ARHGEF37: variants seen among roughly 807,000 people sequenced by gnomAD.
The protein encoded by ARHGEF37 is Rho guanine nucleotide exchange factor (GEF) 37.
In ARHGEF37, 55 loss-of-function variants were observed where a neutral mutation model predicts 71.1. That is an observed-to-expected ratio of 0.77 (90% CI 0.62 to 0.97). The LOEUF (loss-of-function observed/expected upper bound fraction) is 0.97. ARHGEF37 is among the 50% of genes least tolerant of loss of function. ARHGEF37 has a pLI of 0.00. For synonymous variants in ARHGEF37, 327 were observed against 350.6 expected (o/e 0.93, Z 0.75); for missense variants, 765 against 836.8 (o/e 0.91, Z 1.06).
At chr5:149,631,152 C>CTTCCTTCCTTCCTTCT in intron 12 of ARHGEF37, among the ~76,000 whole-genome samples, 1 of 139,898 alleles carries the variant, frequency 7.1e-6, no homozygotes, top group African/African-American at 2.7e-5. Flanking sequence ...TCCTTCTTTC[C>CTTCCTTCCTTCCTTCT]TTCCTTCCTT....
At chr5:149,603,145 C>A (rs910750867) in intron 3 of ARHGEF37, among the ~76,000 whole-genome samples, 2 of 151,990 alleles carry the variant, frequency 1.3e-5, no homozygotes, top group Non-Finnish European at 2.9e-5. Flanking sequence ...GTTGGCCAGG[C>A]TGGTCTCGAG....
At chr5:149,591,459 C>G (rs1466102807) in intron 1 of ARHGEF37, among the ~76,000 whole-genome samples, 2 of 152,186 alleles carry the variant, frequency 1.3e-5, no homozygotes, top group Non-Finnish European at 2.9e-5. Flanking sequence ...TCATAGCTCA[C>G]TGCAGCCTTG....
chr5:149,569,832 G>C (rs1341185668), intron 1 of ARHGEF37, among the ~76,000 whole-genome samples: 1 of 151,956 alleles, frequency 6.6e-6, no homozygotes, highest in Non-Finnish European at 1.5e-5. Context: ...TGTTTGCCAG[G>C]CTGGTCTCCA....
chr5:149,594,818 T>TA (rs1224152709), intron 1 of ARHGEF37, among the ~76,000 whole-genome samples: 4 of 152,232 alleles, frequency 2.6e-5, no homozygotes, highest in African/African-American at 9.6e-5. Context: ...TAGCTTTGTT[T>TA]AATTTTAACA....
intron 1 of ARHGEF37, among the ~76,000 whole-genome samples, chr5:149,583,789 G>T (rs1763166634): frequency 1.3e-5 from 2 of 152,128 alleles, no homozygotes; most frequent in Admixed American, 6.6e-5. Context: ...TAGAGACAGG[G>T]TCTCCTCTGT....
rs192220137 is a variant in ARHGEF37 at position 149,613,450 on chromosome 5, G to C, written c.459-3117G>C. Among the ~76,000 whole-genome samples, 15 of 151,694 alleles carry C rather than the reference G, an allele frequency of 9.9e-5. No homozygotes were observed. In the East Asian group the frequency reaches 2.7e-3, roughly 28 times the overall value. On this transcript the variant is annotated intron_variant, in intron 4 of 12. Coordinates refer to ENST00000333677, the MANE Select transcript of ARHGEF37 (RefSeq NM_001001669.3). ...CAACCTCTGCCTCCGGGGTTCAAGC[G>C]ATTCTCCTTCCTCAGCCTCCCGAGT...
chr5:149,586,790 T>C (rs1763255033), intron 1 of ARHGEF37, among the ~76,000 whole-genome samples: 1 of 152,224 alleles, frequency 6.6e-6, no homozygotes, highest in Non-Finnish European at 1.5e-5. Flanking sequence ...TCCTTATTAC[T>C]GTCCTGTCTC....
chr5:149,555,784 G>A (rs889154380), intron 1 of ARHGEF37, among the ~76,000 whole-genome samples: 1 of 152,084 alleles, frequency 6.6e-6, no homozygotes, highest in African/African-American at 2.4e-5. Context: ...CATGTCCCAG[G>A]GATTACTTCT....
Position 149,633,988 on chromosome 5 carries a change from T to C in ARHGEF37, c.*1797T>C, listed in dbSNP as rs1170478321. ...GAGCATAGGGGAACAGATAATGAAA[T>C]AGGAAACCCACTCGTGGGTTCCACA... On this transcript the variant is annotated 3_prime_UTR_variant, in exon 13 of 13. Coordinates refer to ENST00000333677, the MANE Select transcript of ARHGEF37 (RefSeq NM_001001669.3). The C allele has an allele frequency of 6.6e-6, 1 of 152,272 alleles. No individual in the cohort carries two copies. Among genetic ancestry groups the C allele is most frequent in the Non-Finnish European group, 1.5e-5 (1 of 68,006 alleles). The allele number at this position is 152,272 out of a possible 1,614,324, so 9.4% of individuals were successfully genotyped here. A position where few individuals can be genotyped will look rare whatever the true frequency, so the allele number is the denominator to read the frequency against.
rs111536823 is a variant in ARHGEF37, at chr5:149,613,141, T to A, written c.459-3426T>A. Among the ~76,000 whole-genome samples the A allele has an allele frequency of 2.0e-3, 306 of 152,324 alleles. 2 individuals are homozygous for A. The highest frequency in any genetic ancestry group is 6.8e-3 in the Middle Eastern group (2 of 294). Reference sequence around the variant, plus strand: ...GGAGAAGGCAGATAACCTTCTTTGTTTTCCTTTATCAGCTAGGTGTGTTTG... The same window carrying A: ...GGAGAAGGCAGATAACCTTCTTTGTATTCCTTTATCAGCTAGGTGTGTTTG... On this transcript the variant is annotated intron_variant, in intron 4 of 12. Transcript: ENST00000333677.
chr5:149,578,487 A>G (rs2113256419), upstream of ARHGEF37, among the ~76,000 whole-genome samples: 2 of 152,236 alleles, frequency 1.3e-5, no homozygotes, highest in East Asian at 3.9e-4. Flanking sequence ...TTTGCCTCCT[A>G]CAATGTCTTC....
intron 1 of ARHGEF37, among the ~76,000 whole-genome samples, chr5:149,594,535 G>A (rs1446358855): frequency 2.6e-5 from 4 of 152,088 alleles, no homozygotes; most frequent in Non-Finnish European, 5.9e-5. Flanking sequence ...CAATGGCTTC[G>A]GCCTAAGACA....
chr5:149,552,218 CAAAAAAAAAAAAAAA>C (rs58298279), intron 1 of ARHGEF37: 7 of 72,760 alleles, frequency 9.6e-5, no homozygotes, highest in African/African-American at 1.8e-4. Flanking sequence ...TCAACCCCAC[CAAAAAAAAAAAAAAA>C]AAAAAAAAAA....
intron 7 of ARHGEF37, among the ~76,000 whole-genome samples, chr5:149,619,318 A>C (rs933779769): frequency 6.6e-6 from 1 of 152,200 alleles, no homozygotes; most frequent in African/African-American, 2.4e-5. Flanking sequence ...CCAGACCAGC[A>C]CCTAGAGCAG....
intron 1 of ARHGEF37, among the ~76,000 whole-genome samples, chr5:149,565,669 T>A (rs1170636810): frequency 2.0e-5 from 3 of 152,118 alleles, no homozygotes; most frequent in Non-Finnish European, 4.4e-5. Flanking sequence ...GTGCCAGGAC[T>A]GCAATGAAGA....
intron 1 of ARHGEF37, among the ~76,000 whole-genome samples, chr5:149,559,207 GCTACT>G (rs749643434): frequency 6.6e-6 from 1 of 152,230 alleles, no homozygotes; most frequent in South Asian, 2.1e-4. Flanking sequence ...TGTAATCCCA[GCTACT>G]CGGGTGGCTG....
chr5:149,628,461 G>A (rs1175227994), intron 11 of ARHGEF37, among the ~76,000 whole-genome samples: 1 of 152,200 alleles, frequency 6.6e-6, no homozygotes, highest in East Asian at 1.9e-4. Flanking sequence ...CCTGGGGAGA[G>A]GAAGCAGCTC....
chr5:149,567,485 T>C (rs1238715150), intron 1 of ARHGEF37, among the ~76,000 whole-genome samples: 1 of 152,218 alleles, frequency 6.6e-6, no homozygotes, highest in Non-Finnish European at 1.5e-5. Flanking sequence ...ACACTAAACT[T>C]TCACTGTGGC....
intron 1 of ARHGEF37, among the ~76,000 whole-genome samples, chr5:149,592,322 A>G (rs998341176): frequency 2.6e-5 from 4 of 152,152 alleles, no homozygotes; most frequent in Non-Finnish European, 4.4e-5. Context: ...GTCCATCCCC[A>G]TCTCTAACCA....
Sources: allele counts gnomAD v4.1 joint callset (sites outside exome capture counted in the v4.1 genomes callset), GRCh38; gene constraint gnomAD v4.1.1; transcripts MANE v1.5; gene names NCBI Gene and HGNC (gene_info 2026-07-23, HGNC 2026-07-21).